The following ARPC1A variants were observed in gnomAD, a reference collection of about 807,000 sequenced individuals.
ARPC1A encodes the protein actin-related protein 2/3 complex subunit 1A.
A neutral mutation model predicts 46.9 loss-of-function variants in ARPC1A; 8 were observed. The ratio of observed to expected loss-of-function variants is 0.17; its 90% CI spans 0.10 to 0.31. The LOEUF (loss-of-function observed/expected upper bound fraction) is 0.31. Ranked by LOEUF, ARPC1A falls within the 10% of genes least tolerant of loss-of-function variation. ARPC1A has a pLI of 1.00. For missense variants in ARPC1A, 286 were observed against 483.6 expected (o/e 0.59, Z 3.83); for synonymous variants, 152 against 169.0 (o/e 0.90, Z 0.78).
intron 9 of ARPC1A, 72 bp from the exon 10 acceptor site, chr7:99,365,819 G>A (rs1793829643): frequency 5.5e-6 from 8 of 1,457,728 alleles, no homozygotes; most frequent in Non-Finnish European, 7.5e-6. Flanking sequence ...CTGAGGAAGA[G>A]GGAGTGGTGT....
chr7:99,339,458 CAA>C (rs2150862779), intron 3 of ARPC1A, among the ~76,000 whole-genome samples: 1 of 152,198 alleles, frequency 6.6e-6, no homozygotes, highest in Non-Finnish European at 1.5e-5. Flanking sequence ...GAGACAAGAT[CAA>C]GGCTGCAGTG....
At chr7:99,329,693 A>G (rs1232918728) in intron 1 of ARPC1A, among the ~76,000 whole-genome samples, 1 of 152,240 alleles carries the variant, frequency 6.6e-6, no homozygotes, top group African/African-American at 2.4e-5. Context: ...CAATTTTAGA[A>G]GTAATTACAC....
intron 7 of ARPC1A, chr7:99,358,841 CT>C (rs1183836039): frequency 1.9e-4 from 29 of 149,588 alleles, no homozygotes; most frequent in South Asian, 5.6e-4. Context: ...TCAGAGGTCA[CT>C]TTTTTTTTGG....
At chr7:99,358,188 C>A in intron 6 of ARPC1A, 152 bp from the exon 7 acceptor site, 2 of 700,820 alleles carry the variant, frequency 2.9e-6, no homozygotes, top group Non-Finnish European at 4.7e-6. Flanking sequence ...TCTTGAGAGG[C>A]CTGCAAGTTG....
chr7:99,353,718 A>G (rs1793585351), intron 5 of ARPC1A, among the ~76,000 whole-genome samples, 191 bp from the exon 6 acceptor site: 1 of 151,108 alleles, frequency 6.6e-6, no homozygotes, highest in South Asian at 2.1e-4. Flanking sequence ...ACCTCAGGTG[A>G]TCCACCCACC....
Position 99,366,049 on chromosome 7 carries a change from C to A in ARPC1A, c.*120C>A. 8.4e-7 allele frequency: 1 copy of A among 1,189,802 alleles called. No individual in the cohort carries two copies. Among genetic ancestry groups the A allele is most frequent in the South Asian group, 1.4e-5 (1 of 69,648 alleles). The allele number at this position is 1,189,802 out of a possible 1,614,324, so 73.7% of individuals were successfully genotyped here. A position where few individuals can be genotyped will look rare whatever the true frequency, so the allele number is the denominator to read the frequency against. Reference sequence around the variant, plus strand: ...CTGAAAACACATATCACGCCAATGCCGTGTGGTTTTGTTTGAATATAAAAT... The same window carrying A: ...CTGAAAACACATATCACGCCAATGCAGTGTGGTTTTGTTTGAATATAAAAT... On this transcript the variant is annotated 3_prime_UTR_variant, in exon 10 of 10. Coordinates refer to ENST00000262942, the MANE Select transcript of ARPC1A (RefSeq NM_006409.4).
At chr7:99,326,523 C>T (rs959400495) in intron 1 of ARPC1A, among the ~76,000 whole-genome samples, 1 of 152,178 alleles carries the variant, frequency 6.6e-6, no homozygotes, top group Non-Finnish European at 1.5e-5. Context: ...GCATGAGTAC[C>T]GCCTTCCCCC....
intron 6 of ARPC1A, among the ~76,000 whole-genome samples, chr7:99,356,475 T>TGG (rs1191078200): frequency 2.7e-5 from 4 of 150,418 alleles, no homozygotes; most frequent in Non-Finnish European, 5.9e-5. Context: ...TGTGGTGGCA[T>TGG]GCACCTGTAA....
At chr7:99,360,326 AT>A (rs1183973949) in intron 8 of ARPC1A, 300 of 140,882 alleles carry the variant, frequency 2.1e-3, no homozygotes, top group Middle Eastern at 3.7e-3. Flanking sequence ...AGAAAGTTTA[AT>A]TTTTTTTTTT....
intron 5 of ARPC1A, among the ~76,000 whole-genome samples, chr7:99,351,370 T>G (rs1473354632): frequency 1.3e-5 from 2 of 152,012 alleles, no homozygotes; most frequent in African/African-American, 2.4e-5. Flanking sequence ...TACACCACCA[T>G]GCCTGGCTAA....
Position 99,365,973 on chromosome 7 carries a change from A to G in ARPC1A, c.*44A>G. ...CATCCAGCATGACAAACTGTGGCCG[A>G]CCGCAGCTGTGCCGTGGCACGATGG... On this transcript the variant is annotated 3_prime_UTR_variant, in exon 10 of 10. Coordinates refer to ENST00000262942, the MANE Select transcript of ARPC1A (RefSeq NM_006409.4). 1 of 1,550,512 alleles carries G rather than the reference A, an allele frequency of 6.4e-7. No individual in the cohort carries two copies. The highest frequency in any genetic ancestry group is 8.7e-7 in the Non-Finnish European group (1 of 1,144,014).
chr7:99,339,830 G>T, intron 3 of ARPC1A: 1 of 330,742 alleles, frequency 3.0e-6, no homozygotes, highest in Non-Finnish European at 6.4e-6. Flanking sequence ...GTGAATGTTT[G>T]TAGATGGTAG....
chr7:99,328,485 G>T (rs1479110702), intron 1 of ARPC1A, among the ~76,000 whole-genome samples: 1 of 152,196 alleles, frequency 6.6e-6, no homozygotes, highest in Non-Finnish European at 1.5e-5. Flanking sequence ...TGTGATCTCA[G>T]TGGTATATCC....
At chr7:99,330,535 G>A (rs1793128686) in intron 1 of ARPC1A, among the ~76,000 whole-genome samples, 2 of 152,112 alleles carry the variant, frequency 1.3e-5, no homozygotes, top group African/African-American at 2.4e-5. Context: ...GGCTGGTCTC[G>A]AACTCCCGAC....
intron 3 of ARPC1A, 115 bp downstream of exon 3, chr7:99,338,400 T>TTTTTTTTTTTTTC (rs1554344243): frequency 1.3e-6 from 1 of 745,470 alleles, no homozygotes; most frequent in African/African-American, 2.0e-5. Flanking sequence ...TTTTTTTTTT[T>TTTTTTTTTTTTTC]TTTGAGAAGG....
At chr7:99,327,661 C>T (rs377716018) in intron 1 of ARPC1A, among the ~76,000 whole-genome samples, 1 of 151,926 alleles carries the variant, frequency 6.6e-6, no homozygotes, top group South Asian at 2.1e-4. Context: ...CAGAGATCTT[C>T]TGGAGTTCAT....
intron 9 of ARPC1A, among the ~76,000 whole-genome samples, chr7:99,364,683 G>C (rs1486168605): frequency 6.6e-6 from 1 of 152,154 alleles, no homozygotes; most frequent in Non-Finnish European, 1.5e-5. Flanking sequence ...ATGGAGTGCT[G>C]TTTTGGAAAC....
chr7:99,351,929 T>A (rs1475406517), intron 5 of ARPC1A, among the ~76,000 whole-genome samples: 1 of 150,618 alleles, frequency 6.6e-6, no homozygotes. Flanking sequence ...GATAAAAGAG[T>A]GAGTTAGTGG....
At chr7:99,352,955 ACT>A (rs1462385209) in intron 5 of ARPC1A, among the ~76,000 whole-genome samples, 1 of 148,338 alleles carries the variant, frequency 6.7e-6, no homozygotes, top group Non-Finnish European at 1.5e-5. Context: ...CAAGAGCAAG[ACT>A]CTGTCCCCCA....
Sources: gnomAD v4.1 joint callset for allele counts (sites outside exome capture counted in the v4.1 genomes callset) on GRCh38, gnomAD v4.1.1 for gene constraint, MANE v1.5 for transcripts, NCBI Gene and HGNC (gene_info 2026-07-23, HGNC 2026-07-21) for gene names.